SRGAP1: variants seen among roughly 807,000 people sequenced by gnomAD.
SRGAP1 encodes SLIT-ROBO Rho GTPase-activating protein 1.
SRGAP1 carries 43 observed loss-of-function variants against 121.9 expected under a neutral mutation model. That is an observed-to-expected ratio of 0.35 (90% CI 0.28 to 0.46). SRGAP1 has a LOEUF of 0.46. SRGAP1 is among the 20% of genes least tolerant of loss of function. The pLI is 1.00. For synonymous variants in SRGAP1, 447 were observed against 485.4 expected (o/e 0.92, Z 1.04); for missense variants, 1,102 against 1,350.9 (o/e 0.82, Z 2.89).
intron 10 of SRGAP1, chr12:64,081,065 T>C (rs2035829142): frequency 6.5e-6 from 1 of 152,748 alleles, no homozygotes; most frequent in South Asian, 2.1e-4. Context: ...GGGGACTGTA[T>C]AAATGTTAAT....
At chr12:63,891,236 G>A (rs564668544) in intron 1 of SRGAP1, among the ~76,000 whole-genome samples, 4 of 152,200 alleles carry the variant, frequency 2.6e-5, no homozygotes, top group Non-Finnish European at 4.4e-5. Context: ...CTTGTTATCC[G>A]AGGAAACTCC....
Position 63,954,677 on chromosome 12 carries a change from C to CAAAAAAAAAAAAAAAAAA in SRGAP1, c.68-29255_68-29254insAAAAAAAAAAAAAAAAAA, listed in dbSNP as rs60508657. Among the ~76,000 whole-genome samples the CAAAAAAAAAAAAAAAAAA allele has an allele frequency of 4.8e-4, 50 of 104,570 alleles. 1 individual carries two copies. The highest frequency in any genetic ancestry group is 1.6e-3 in the African/African-American group (46 of 28,048). 68.6% of individuals were successfully genotyped at this position (104,570 alleles called of 152,430 possible). ...TGGGGGACAGAGCGAGACTCCATCT[C>CAAAAAAAAAAAAAAAAAA]AAAAAAAAAAAAAAAGAAAAGAAAA... On this transcript the variant is annotated intron_variant, in intron 1 of 21. Coordinates refer to ENST00000355086, the MANE Select transcript of SRGAP1 (RefSeq NM_020762.4).
intron 1 of SRGAP1, among the ~76,000 whole-genome samples, chr12:63,881,773 G>C (rs1900203286): frequency 6.6e-6 from 1 of 152,144 alleles, no homozygotes; most frequent in Non-Finnish European, 1.5e-5. Flanking sequence ...TATATGGGTA[G>C]AGTTCTAACA....
chr12:64,015,959 GT>G (rs1313665799), intron 3 of SRGAP1, among the ~76,000 whole-genome samples: 2 of 152,138 alleles, frequency 1.3e-5, no homozygotes, highest in African/African-American at 4.8e-5. Context: ...TACAGCTTTT[GT>G]TGAAAATAAT....
intron 1 of SRGAP1, among the ~76,000 whole-genome samples, chr12:63,963,519 C>T (rs1166808247): frequency 6.6e-6 from 1 of 152,168 alleles, no homozygotes; most frequent in Non-Finnish European, 1.5e-5. Context: ...TCACCTCAAA[C>T]ATTTATCATT....
At chr12:64,044,672 CTCTT>C (rs2035089696) in intron 6 of SRGAP1, among the ~76,000 whole-genome samples, 1 of 70,652 alleles carries the variant, frequency 1.4e-5, no homozygotes, top group Non-Finnish European at 3.6e-5. Flanking sequence ...TCTGATGTGC[CTCTT>C]TTTTTTTTTT....
intron 3 of SRGAP1, among the ~76,000 whole-genome samples, chr12:64,002,898 C>T (rs1455076445): frequency 6.6e-6 from 1 of 151,918 alleles, no homozygotes; most frequent in Non-Finnish European, 1.5e-5. Context: ...CAAAATTACT[C>T]AGCATACAAA....
chr12:64,108,951 G>C lies in SRGAP1; in HGVS notation c.1833G>C (p.Glu611Asp), dbSNP rs753717623. ...ISCIRIDNLY[E>D]RALHIRKLLL... is the part of the protein sequence containing the mutation. ...CTGTAGGAATAGATAATCTCTATGA[G>C]AGGGCGCTTCACATCCGCAAACTCC... is the stretch of plus-strand genomic sequence containing the variant. The change falls in exon 16 of 22, where the codon GAG becomes GAC. Residue 611 changes from glutamate (E) to aspartate (D), a missense_variant. Coordinates refer to ENST00000355086, the MANE Select transcript of SRGAP1 (RefSeq NM_020762.4). 1.7e-5 allele frequency: 27 copies of C among 1,602,946 alleles called. 1 individual carries two copies. In the Admixed American group the frequency reaches 3.0e-4, roughly 18 times the overall value.
In SRGAP1 at chr12:64,049,155, A is replaced by G. The variant is rs570213345; in HGVS notation, c.801+5580A>G. 2.0e-5 allele frequency among the ~76,000 whole-genome samples: 3 copies of G among 152,296 alleles called. No individual in the cohort carries two copies. The South Asian group carries it at 6.2e-4, about 32-fold the overall frequency. The stretch of plus-strand genomic sequence containing the variant: ...TTCAAAGTCTTAGATTTAAGTCTTG[A>G]ATCCATTTTGATTTGATTTCTGTGT... On this transcript the variant is annotated intron_variant, in intron 6 of 21. Transcript: ENST00000355086.
At chr12:64,026,862 T>A (rs1185582317) in intron 4 of SRGAP1, among the ~76,000 whole-genome samples, 2 of 139,248 alleles carry the variant, frequency 1.4e-5, no homozygotes, top group Non-Finnish European at 3.2e-5. Context: ...CAAGACTCCA[T>A]CTCAAAAAAA....
intron 1 of SRGAP1, among the ~76,000 whole-genome samples, chr12:63,902,423 T>G (rs2029978492): frequency 6.6e-6 from 1 of 152,188 alleles, no homozygotes; most frequent in Non-Finnish European, 1.5e-5. Flanking sequence ...TTAATCAACT[T>G]AATCTCCAGG....
chr12:63,909,163 C>T (rs981220006), intron 1 of SRGAP1, among the ~76,000 whole-genome samples: 1 of 152,214 alleles, frequency 6.6e-6, no homozygotes, highest in South Asian at 2.1e-4. Flanking sequence ...GCTGGGATTA[C>T]AGGCATGAGC....
chr12:63,972,995 A>G (rs2136394179), intron 1 of SRGAP1, among the ~76,000 whole-genome samples: 1 of 152,092 alleles, frequency 6.6e-6, no homozygotes, highest in South Asian at 2.1e-4. Flanking sequence ...AAAAATACAA[A>G]AATTAGCCGG....
At chr12:63,993,766 G>A (rs1414265104) in intron 3 of SRGAP1, among the ~76,000 whole-genome samples, 1 of 151,552 alleles carries the variant, frequency 6.6e-6, no homozygotes, top group Non-Finnish European at 1.5e-5. Context: ...ATTCCATGCA[G>A]AGCTATAGGG....
intron 4 of SRGAP1, among the ~76,000 whole-genome samples, chr12:64,032,874 TCAAA>T (rs923298872): frequency 3.9e-5 from 6 of 152,208 alleles, no homozygotes; most frequent in African/African-American, 1.2e-4. Context: ...TATTTTTGCA[TCAAA>T]CATTTTATCT....
At chr12:64,079,353 G>C (rs768023165) in intron 9 of SRGAP1, among the ~76,000 whole-genome samples, 1 of 151,950 alleles carries the variant, frequency 6.6e-6, no homozygotes, top group African/African-American at 2.4e-5. Flanking sequence ...CTTTTAGCTG[G>C]GCACAGGGGC....
intron 1 of SRGAP1, among the ~76,000 whole-genome samples, chr12:63,914,181 TATC>T (rs1252241410): frequency 1.3e-5 from 2 of 152,212 alleles, no homozygotes; most frequent in African/African-American, 4.8e-5. Flanking sequence ...TCATTGTACT[TATC>T]ATTATCATAC....
At chr12:64,086,722 G>GAAA (rs3057149) in intron 10 of SRGAP1, among the ~76,000 whole-genome samples, 32 of 120,232 alleles carry the variant, frequency 2.7e-4, no homozygotes, top group African/African-American at 5.8e-4. Flanking sequence ...TTTCTTTTCT[G>GAAA]AAAAAAAAAA....
chr12:63,885,816 A>G (rs568865792), intron 1 of SRGAP1, among the ~76,000 whole-genome samples: 2 of 152,346 alleles, frequency 1.3e-5, no homozygotes, highest in Admixed American at 6.5e-5. Context: ...ATTGGAAGTT[A>G]TGAGCCAGGA....
Sources: gnomAD v4.1 joint callset for allele counts (sites outside exome capture counted in the v4.1 genomes callset) on GRCh38, gnomAD v4.1.1 for gene constraint, MANE v1.5 for transcripts, NCBI Gene and HGNC (gene_info 2026-07-23, HGNC 2026-07-21) for gene names.